BRCA1: variants seen among roughly 807,000 people sequenced by gnomAD.
BRCA1 encodes BRCA1 DNA repair associated.
A neutral mutation model predicts 173.7 loss-of-function variants in BRCA1; 140 were observed. The observed-to-expected ratio is 0.81, with a 90% confidence interval of 0.70 to 0.93. The LOEUF is 0.93. Among genes scored for constraint, BRCA1 ranks in the 40% least tolerant of loss-of-function variants. The pLI is 0.00. For synonymous variants in BRCA1, 662 were observed against 756.0 expected, an observed-to-expected ratio of 0.88 and a Z score of 2.04; for missense variants, 1,983 against 2,172.5, an observed-to-expected ratio of 0.91 and a Z score of 1.73.
At position 43,076,602 on chromosome 17, in the gene BRCA1, G is replaced by A. The variant is rs80357130; in HGVS notation, c.4370C>T (p.Ser1457Leu). Residue 1457 changes from serine (S) to leucine (L), a missense_variant, in exon 13 of 23, where the codon TCA becomes TTA. Coordinates refer to ENST00000357654, the MANE Select transcript of BRCA1 (RefSeq NM_007294.4). ...TATAGGGTATTCACTACTTTTCTGTGAAGTTAATACTGCTTTAAATGGAAT... is the reference window on the plus strand; with the variant it reads ...TATAGGGTATTCACTACTTTTCTGTAAAGTTAATACTGCTTTAAATGGAAT... The part of the protein sequence containing the change: ...QSTSEKAVLT[S>L]QKSSEYPISQ... The A allele has an allele frequency of 6.2e-7, 1 of 1,613,456 alleles. No homozygotes were observed. The highest frequency in any genetic ancestry group is 8.5e-7 in the Non-Finnish European group (1 of 1,179,732).
chr17:43,154,460 G>C (rs2056183384), intron 1 of BRCA1, among the ~76,000 whole-genome samples: 1 of 151,810 alleles, frequency 6.6e-6, no homozygotes, highest in Non-Finnish European at 1.5e-5. Flanking sequence ...CTCCAGCTTG[G>C]GTGACAGAGC....
intron 1 of BRCA1, among the ~76,000 whole-genome samples, chr17:43,135,950 C>T (rs905625766): frequency 1.3e-5 from 2 of 152,222 alleles, no homozygotes; most frequent in Non-Finnish European, 2.9e-5. Context: ...CAGGGCACCT[C>T]TGCTTCCTCC....
chr17:43,098,343 A>C (rs1186928120), intron 7 of BRCA1, among the ~76,000 whole-genome samples: 2 of 151,780 alleles, frequency 1.3e-5, no homozygotes, highest in African/African-American at 4.8e-5. Flanking sequence ...TAAGCTTAAA[A>C]AAATTTATTA....
intron 1 of BRCA1, among the ~76,000 whole-genome samples, chr17:43,131,041 C>G (rs2055960576): frequency 6.6e-6 from 1 of 152,128 alleles, no homozygotes; most frequent in Admixed American, 6.5e-5. Context: ...GGGTGTGTTG[C>G]AGATATTAAC....
At chr17:43,140,905 A>T (rs1023210863) in intron 1 of BRCA1, among the ~76,000 whole-genome samples, 1 of 152,242 alleles carries the variant, frequency 6.6e-6, no homozygotes, top group African/African-American at 2.4e-5. Flanking sequence ...CTAATCAGAC[A>T]TCGCCTTATT....
chr17:43,143,152 G>A (rs759162881), intron 1 of BRCA1, among the ~76,000 whole-genome samples: 3 of 149,912 alleles, frequency 2.0e-5, no homozygotes, highest in Non-Finnish European at 4.4e-5. Flanking sequence ...TGTTGGTTAG[G>A]CTGGTCTTGA....
chr17:43,136,270 A>T (rs1296315731), intron 1 of BRCA1, among the ~76,000 whole-genome samples: 3 of 152,354 alleles, frequency 2.0e-5, no homozygotes, highest in South Asian at 4.1e-4. Context: ...CTTACACCTT[A>T]TACAAAAATT....
chr17:43,135,598 C>A (rs2056013536), intron 1 of BRCA1, among the ~76,000 whole-genome samples: 1 of 152,188 alleles, frequency 6.6e-6, no homozygotes, highest in South Asian at 2.1e-4. Context: ...GTTCGCAGGT[C>A]GCGGTCTTCG....
In BRCA1 at chr17:43,111,549, T is replaced by C. The variant is rs8176117; in HGVS notation, c.134+4177A>G. On this transcript the variant is annotated intron_variant, in intron 3 of 22. Transcript: ENST00000357654. The stretch of plus-strand genomic sequence containing the variant: ...CAAAACAAAAAAAAACAGCCGGGCG[T>C]GGTGGCTCACACTTGTAATCCCAGA... Among the ~76,000 whole-genome samples, 48,503 of 146,314 alleles carry C rather than the reference T, an allele frequency of 0.33. 8,044 individuals are homozygous for C. Among genetic ancestry groups the C allele is most frequent in the South Asian group, 0.51 (2,373 of 4,690 alleles).
At chr17:43,074,269 C>T (rs2153984593) in intron 14 of BRCA1, 62 bp downstream of exon 14, 1 of 1,588,144 alleles carries the variant, frequency 6.3e-7, no homozygotes, top group South Asian at 1.1e-5. Context: ...ACCAGAATAT[C>T]TTTATGTAGG....
chr17:43,115,594 T>A (rs1402688315), intron 3 of BRCA1, 132 bp downstream of exon 3: 5 of 847,316 alleles, frequency 5.9e-6, no homozygotes, highest in Non-Finnish European at 9.4e-6. Flanking sequence ...TGAGAAAGAA[T>A]GAAATGGAGT....
chr17:43,143,464 G>A (rs1040824345), intron 1 of BRCA1, among the ~76,000 whole-genome samples: 1 of 152,158 alleles, frequency 6.6e-6, no homozygotes, highest in African/African-American at 2.4e-5. Context: ...CAGTCACACT[G>A]CTCCTGGGAT....
chr17:43,091,399 T>C lies in BRCA1; in HGVS notation c.4096+36A>G, dbSNP rs45620639. 187 of 1,611,854 alleles carry C rather than the reference T, an allele frequency of 1.2e-4. 1 individual carries two copies. The African/African-American group carries it at 1.4e-3, about 12-fold the overall frequency. On this transcript the variant is annotated intron_variant, in intron 10 of 22. Coordinates refer to ENST00000357654, the MANE Select transcript of BRCA1 (RefSeq NM_007294.4). ...TAAACATTTAGCTCACTTCTATAAA[T>C]AGACTGGGGCAAACACAAAAACCTG...
intron 6 of BRCA1, among the ~76,000 whole-genome samples, chr17:43,103,236 G>A (rs1478653792): frequency 6.6e-6 from 1 of 152,106 alleles, no homozygotes; most frequent in Admixed American, 6.5e-5. Flanking sequence ...GGAGGCCAAG[G>A]AGGGTGGATC....
In BRCA1 at chr17:43,100,738, G is replaced by GT. The variant is rs1166121327; in HGVS notation, c.442-859dup. ...CACTTTGGGATATATGTGTATATAT[G>GT]TTTTTTTTTTTTGAGACAGAATCTT... On this transcript the variant is annotated intron_variant, in intron 6 of 22. Coordinates refer to ENST00000357654, the MANE Select transcript of BRCA1 (RefSeq NM_007294.4). Among the ~76,000 whole-genome samples the GT allele has an allele frequency of 1.1e-3, 98 of 91,658 alleles. No individual in the cohort carries two copies. In the Middle Eastern group the frequency reaches 0.025, roughly 23 times the overall value. 60.1% of individuals were successfully genotyped at this position (91,658 alleles called of 152,430 possible).
In BRCA1 at chr17:43,044,430, A is replaced by C. The variant is rs906760110; in HGVS notation, c.*1248T>G. ...AGACCTAGTCCTTCCAACAGCTATA[A>C]ACAGTCCTGGATAATGGGTTTATGA... On this transcript the variant is annotated 3_prime_UTR_variant, in exon 23 of 23. Coordinates refer to ENST00000357654, the MANE Select transcript of BRCA1 (RefSeq NM_007294.4). 4 of 507,946 alleles carry C rather than the reference A, an allele frequency of 7.9e-6. No individual in the cohort carries two copies. The highest frequency in any genetic ancestry group is 7.6e-5 in the African/African-American group (4 of 52,340). The allele number at this position is 507,946 out of a possible 1,614,324, so 31.5% of individuals were successfully genotyped here. A position where few individuals can be genotyped will look rare whatever the true frequency, so the allele number is the denominator to read the frequency against.
chr17:43,112,183 G>A (rs1391171815), intron 3 of BRCA1, among the ~76,000 whole-genome samples: 2 of 151,818 alleles, frequency 1.3e-5, no homozygotes, highest in East Asian at 3.9e-4. Flanking sequence ...TCTGCCTCCT[G>A]GGTTCAAGAG....
In BRCA1 at chr17:43,104,847, C is replaced by CT. The variant is rs778150461; in HGVS notation, c.301+20dup. ...TCATGGACAGCACTTGAGTGTCATT[C>CT]TTGGGATATTCAACACTTACACTCC... is the stretch of plus-strand genomic sequence containing the variant. On this transcript the variant is annotated intron_variant, in intron 5 of 22. Coordinates refer to ENST00000357654, the MANE Select transcript of BRCA1 (RefSeq NM_007294.4). The CT allele has an allele frequency of 1.4e-5, 23 of 1,598,548 alleles. No individual in the cohort carries two copies. The African/African-American group carries it at 3.1e-4, about 21-fold the overall frequency.
At position 43,125,352 on chromosome 17, in the gene BRCA1, A is replaced by G. The variant is rs776813709; in HGVS notation, c.-101T>C. On this transcript the variant is annotated 5_prime_UTR_variant, in exon 1 of 23. Transcript: ENST00000357654. The stretch of plus-strand genomic sequence containing the variant: ...AAACCCCACAGCCTGTCCCCCGTCC[A>G]GGAAGTCTCAGCGAGCTCACGCCGC... 9.2e-6 allele frequency: 4 copies of G among 434,392 alleles called. 1 individual carries two copies. The highest frequency in any genetic ancestry group is 6.3e-5 in the South Asian group (4 of 63,396). 26.9% of individuals were successfully genotyped at this position (434,392 alleles called of 1,614,324 possible).
Sources: allele counts gnomAD v4.1 joint callset (sites outside exome capture counted in the v4.1 genomes callset), GRCh38; gene constraint gnomAD v4.1.1; transcripts MANE v1.5; gene names NCBI Gene and HGNC (gene_info 2026-07-23, HGNC 2026-07-21).